The following SLC12A2 variants were observed in gnomAD, a reference collection of about 807,000 sequenced individuals.
SLC12A2 encodes the protein solute carrier family 12 member 2.
A neutral mutation model predicts 136.3 loss-of-function variants in SLC12A2; 67 were observed. That is an observed-to-expected ratio of 0.49 (90% CI 0.40 to 0.60). SLC12A2 has a LOEUF of 0.60. SLC12A2 is among the 20% of genes least tolerant of loss of function. The probability of loss-of-function intolerance (pLI) is 0.00; values close to 1 mark genes in which losing one functional copy is unlikely to be tolerated. For synonymous variants in SLC12A2, 619 were observed against 562.9 expected (o/e 1.10, Z -1.41); for missense variants, 1,322 against 1,534.7 (o/e 0.86, Z 2.32).
At chr5:128,096,535 A>T (rs1003899521) in intron 1 of SLC12A2, among the ~76,000 whole-genome samples, 18 of 152,072 alleles carry the variant, frequency 1.2e-4, no homozygotes, top group Admixed American at 9.8e-4. Context: ...TGTTTATTTA[A>T]TCACCAATTT....
intron 1 of SLC12A2, chr5:128,110,055 C>A: frequency 9.9e-7 from 1 of 1,007,510 alleles, no homozygotes; most frequent in Non-Finnish European, 1.6e-6. Context: ...GAGCCTGTGT[C>A]ACTACACCTT....
chr5:128,174,205 G>A (rs371205536), intron 19 of SLC12A2, among the ~76,000 whole-genome samples: 2 of 152,010 alleles, frequency 1.3e-5, no homozygotes, highest in Non-Finnish European at 2.9e-5. Flanking sequence ...GAATTTGGAC[G>A]GGGAGAGGTT....
intron 10 of SLC12A2, 95 bp from the exon 11 acceptor site, chr5:128,147,527 T>C: frequency 1.4e-6 from 1 of 722,156 alleles, no homozygotes; most frequent in East Asian, 2.6e-5. Flanking sequence ...TGATCCCTAG[T>C]GTTAACCTCC....
At chr5:128,184,601 A>T in intron 25 of SLC12A2, 100 bp downstream of exon 25, 1 of 1,300,720 alleles carries the variant, frequency 7.7e-7, no homozygotes, top group Non-Finnish European at 1.1e-6. Context: ...GTATAAATGA[A>T]CTCTACTTTA....
At chr5:128,148,968 G>A (rs1239471527) in intron 12 of SLC12A2, 91 bp downstream of exon 12, 1 of 1,086,592 alleles carries the variant, frequency 9.2e-7, no homozygotes, top group Non-Finnish European at 1.3e-6. Context: ...TGTTATCTTG[G>A]TATACTAAGT....
chr5:128,185,923 A>G (rs1451900100), intron 26 of SLC12A2, among the ~76,000 whole-genome samples: 2 of 152,116 alleles, frequency 1.3e-5, no homozygotes, highest in Non-Finnish European at 2.9e-5. Context: ...ATAATACCAT[A>G]TGTTAAGCTG....
At chr5:128,126,966 A>ATATATATAATTTTTTTTTTTT in intron 4 of SLC12A2, among the ~76,000 whole-genome samples, 1 of 21,156 alleles carries the variant, frequency 4.7e-5, no homozygotes, top group Non-Finnish European at 7.7e-5. Context: ...ATATATATAT[A>ATATATATAATTTTTTTTTTTT]TTTTTTTTTT....
intron 9 of SLC12A2, among the ~76,000 whole-genome samples, chr5:128,139,479 C>G (rs1288232864): frequency 6.6e-6 from 1 of 152,160 alleles, no homozygotes; most frequent in Non-Finnish European, 1.5e-5. Context: ...TTCATGGTTA[C>G]TTCATGGGAT....
intron 1 of SLC12A2, among the ~76,000 whole-genome samples, chr5:128,100,986 G>T (rs1431492456): frequency 6.6e-6 from 1 of 152,150 alleles, no homozygotes; most frequent in Non-Finnish European, 1.5e-5. Context: ...CAGCAGTTCT[G>T]ACTTGGTTCA....
Position 128,134,207 on chromosome 5 carries a change from A to G in SLC12A2, c.1231A>G (p.Ile411Val). Residue 411 changes from isoleucine to valine, a missense_variant, in exon 6 of 27, where the codon ATT (isoleucine) becomes GTT (valine). Physicochemically the swap from Ile to Val is conservative, Grantham distance 29. Coordinates refer to ENST00000262461, the MANE Select transcript of SLC12A2 (RefSeq NM_001046.3). The stretch of plus-strand genomic sequence containing the variant: ...GATAGATGAAATCAATGATATCCGA[A>G]TTATTGGAGCCATTACAGTCGTGAT... ...LMIDEINDIR[I>V]IGAITVVILL... 6.2e-7 allele frequency: 1 copy of G among 1,607,220 alleles called. No individual in the cohort carries two copies.
intron 1 of SLC12A2, chr5:128,110,605 G>A: frequency 9.4e-7 from 1 of 1,066,332 alleles, no homozygotes; most frequent in Non-Finnish European, 1.5e-6. Context: ...CATCGTAGCA[G>A]CTTATCACCT....
At chr5:128,146,126 G>A (rs1033709528) in intron 10 of SLC12A2, among the ~76,000 whole-genome samples, 2 of 151,766 alleles carry the variant, frequency 1.3e-5, no homozygotes, top group African/African-American at 4.8e-5. Flanking sequence ...CTTTGTGTGT[G>A]TATATATATA....
chr5:128,163,161 G>T (rs1291844729), intron 17 of SLC12A2, among the ~76,000 whole-genome samples: 1 of 152,094 alleles, frequency 6.6e-6, no homozygotes, highest in Non-Finnish European at 1.5e-5. Context: ...CTGCAAATTT[G>T]GTTTGAATAT....
rs1006205 is a variant in SLC12A2 at position 128,109,913 on chromosome 5, G to A, written c.757-2901G>A. On this transcript the variant is annotated intron_variant, in intron 1 of 26. Coordinates refer to ENST00000262461, the MANE Select transcript of SLC12A2 (RefSeq NM_001046.3). Reference sequence around the variant, plus strand: ...TTGTGACTGGCCTTTGCAAGATAGTGCAGCCTGGCTACGGGGGATGAACTG... The same window carrying A: ...TTGTGACTGGCCTTTGCAAGATAGTACAGCCTGGCTACGGGGGATGAACTG... The A allele has an allele frequency of 6.8e-5, 55 of 807,516 alleles. No homozygotes were observed. In the African/African-American group the frequency reaches 8.9e-4, roughly 13 times the overall value. 50.0% of individuals were successfully genotyped at this position (807,516 alleles called of 1,614,324 possible). A position where few individuals can be genotyped will look rare whatever the true frequency, so the allele number is the denominator to read the frequency against.
intron 20 of SLC12A2, 70 bp downstream of exon 20, chr5:128,174,736 TATA>T: frequency 1.7e-6 from 2 of 1,198,124 alleles, no homozygotes; most frequent in East Asian, 2.7e-5. Context: ...TTTTTAATTA[TATA>T]ATATGTCTTA....
At chr5:128,150,185 T>C in intron 13 of SLC12A2, 87 bp downstream of exon 13, 2 of 813,770 alleles carry the variant, frequency 2.5e-6, no homozygotes, top group East Asian at 2.5e-5. Context: ...AAAGATGTTA[T>C]GTGTGGGGTT....
intron 9 of SLC12A2, 109 bp from the exon 10 acceptor site, chr5:128,141,721 A>C: frequency 1.3e-6 from 1 of 762,114 alleles, no homozygotes; most frequent in Non-Finnish European, 2.0e-6. Flanking sequence ...ATAAGGGAGT[A>C]GATATGTAGT....
intron 1 of SLC12A2, among the ~76,000 whole-genome samples, chr5:128,106,633 C>T (rs553514339): frequency 3.9e-5 from 6 of 152,224 alleles, no homozygotes; most frequent in African/African-American, 1.4e-4. Context: ...AGAGAAGATA[C>T]ATTTTTTATT....
rs571233639 is a variant in SLC12A2 at position 128,172,900 on chromosome 5, G to A, written c.2803+1154G>A. 2.1e-4 allele frequency among the ~76,000 whole-genome samples: 32 copies of A among 151,758 alleles called. No homozygotes were observed. The East Asian group carries it at 4.9e-3, about 23-fold the overall frequency. On this transcript the variant is annotated intron_variant, in intron 19 of 26. Transcript: ENST00000262461. ...CAGGAAGCAGAGGCTGCAGTAAGCC[G>A]AGATTGCTCCTTTGCACTCCAGCCT...
Sources: gnomAD v4.1 joint callset for allele counts (sites outside exome capture counted in the v4.1 genomes callset) on GRCh38, gnomAD v4.1.1 for gene constraint, MANE v1.5 for transcripts, NCBI Gene and HGNC (gene_info 2026-07-23, HGNC 2026-07-21) for gene names.